Variants in KSR2 observed in about 807,000 individuals in gnomAD.
KSR2 encodes the protein kinase suppressor of ras 2.
KSR2 carries 25 observed loss-of-function variants against 107.8 expected under a neutral mutation model. The observed-to-expected ratio is 0.23, with a 90% CI of 0.17 to 0.32. The LOEUF (loss-of-function observed/expected upper bound fraction) is 0.32, where lower values mean the gene tolerates loss of function less well. Ranked by LOEUF, KSR2 falls within the 10% of genes least tolerant of loss-of-function variation. KSR2 has a pLI of 1.00. For missense variants in KSR2, 887 were observed against 1,268.9 expected (o/e 0.70, Z 4.57); for synonymous variants, 480 against 507.0 (o/e 0.95, Z 0.71).
At chr12:117,642,191 C>T (rs1409189838) in intron 5 of KSR2, among the ~76,000 whole-genome samples, 1 of 152,232 alleles carries the variant, frequency 6.6e-6, no homozygotes, top group Non-Finnish European at 1.5e-5. Context: ...CACTTTGCAG[C>T]TCTTAACATT....
chr12:117,667,928 C>G (rs1884736856), intron 4 of KSR2, among the ~76,000 whole-genome samples: 1 of 152,188 alleles, frequency 6.6e-6, no homozygotes, highest in Non-Finnish European at 1.5e-5. Context: ...TAGAGAAGCT[C>G]TAGAGAGCCA....
At chr12:117,837,483 C>CA (rs1474796557) in intron 3 of KSR2, among the ~76,000 whole-genome samples, 1 of 152,132 alleles carries the variant, frequency 6.6e-6, no homozygotes, top group Non-Finnish European at 1.5e-5. Flanking sequence ...TCCAAGAAAA[C>CA]ACTGGGAGGA....
intron 5 of KSR2, among the ~76,000 whole-genome samples, chr12:117,596,781 T>C (rs544523488): frequency 2.6e-5 from 4 of 152,320 alleles, no homozygotes; most frequent in African/African-American, 9.6e-5. Flanking sequence ...TAAAATCTCC[T>C]AGTAGGCATG....
In KSR2 at chr12:117,506,843, A is replaced by ATG. The variant is rs574197582; in HGVS notation, c.2219+18007_2219+18008dup. ...GATAGATAGATTTATTTATATATGT[A>ATG]TGTGTGTGTGTGTGTATATATATGT... On this transcript the variant is annotated intron_variant, in intron 14 of 19. Coordinates refer to ENST00000339824, the MANE Select transcript of KSR2 (RefSeq NM_173598.6). Among the ~76,000 whole-genome samples the ATG allele has an allele frequency of 4.4e-3, 673 of 151,576 alleles. 14 individuals are homozygous for ATG. In the East Asian group the frequency reaches 0.074, roughly 17 times the overall value.
intron 5 of KSR2, among the ~76,000 whole-genome samples, chr12:117,642,144 C>T (rs1234080670): frequency 6.6e-6 from 1 of 152,218 alleles, no homozygotes; most frequent in Non-Finnish European, 1.5e-5. Context: ...ACCATTGCTG[C>T]TCCCCTGTTG....
intron 3 of KSR2, among the ~76,000 whole-genome samples, chr12:117,805,849 G>A (rs980193998): frequency 3.3e-5 from 5 of 152,292 alleles, no homozygotes; most frequent in South Asian, 2.1e-4. Flanking sequence ...AGGTGTGGGG[G>A]TGTGTGCCTG....
At chr12:117,716,932 G>T (rs950514004) in intron 4 of KSR2, among the ~76,000 whole-genome samples, 1 of 152,114 alleles carries the variant, frequency 6.6e-6, no homozygotes, top group Non-Finnish European at 1.5e-5. Flanking sequence ...TTCCTCCCAC[G>T]CTGGCTCCTG....
At position 117,880,735 on chromosome 12, in the gene KSR2, T is replaced by C. The variant is rs975556527; in HGVS notation, c.181-20304A>G. ...ATTCTTTTTTTTTTTTTTTTTTTTT[T>C]CTGAGACGTGAAACCTCCGCCTCCC... On this transcript the variant is annotated intron_variant, in intron 1 of 19. Coordinates refer to ENST00000339824, the MANE Select transcript of KSR2 (RefSeq NM_173598.6). Among the ~76,000 whole-genome samples, 64 of 116,526 alleles carry C rather than the reference T, an allele frequency of 5.5e-4. 2 individuals carry two copies. In the East Asian group the frequency reaches 0.017, roughly 32 times the overall value. The allele number at this position is 116,526 out of a possible 152,430, so 76.4% of individuals were successfully genotyped here.
At chr12:117,860,453 C>A in intron 1 of KSR2, 22 bp from the exon 2 acceptor site, 1 of 1,586,068 alleles carries the variant, frequency 6.3e-7, no homozygotes, top group Non-Finnish European at 8.6e-7. Flanking sequence ...CAGACGAGGA[C>A]AGAGGACACA....
chr12:117,589,410 G>C (rs1304642706), intron 5 of KSR2, among the ~76,000 whole-genome samples: 1 of 152,080 alleles, frequency 6.6e-6, no homozygotes, highest in African/African-American at 2.4e-5. Context: ...TCCCTTTTAG[G>C]TGCTAAAGCT....
intron 5 of KSR2, among the ~76,000 whole-genome samples, chr12:117,641,765 T>G (rs139861569): frequency 1.3e-4 from 20 of 152,118 alleles, no homozygotes; most frequent in Non-Finnish European, 2.8e-4. Flanking sequence ...GTAGCAGAAG[T>G]TGCCCTTGAA....
At chr12:117,882,749 C>T (rs1315583206) in intron 1 of KSR2, among the ~76,000 whole-genome samples, 2 of 151,904 alleles carry the variant, frequency 1.3e-5, no homozygotes, top group Non-Finnish European at 2.9e-5. Flanking sequence ...ACCCATCCAT[C>T]CATCCATCCA....
At chr12:117,776,320 C>A (rs1488295836) in intron 3 of KSR2, among the ~76,000 whole-genome samples, 1 of 152,124 alleles carries the variant, frequency 6.6e-6, no homozygotes, top group Non-Finnish European at 1.5e-5. Flanking sequence ...AACTAAAACA[C>A]AAAGCCCTTC....
chr12:117,646,009 A>T (rs1222536434), intron 5 of KSR2, among the ~76,000 whole-genome samples: 1 of 152,118 alleles, frequency 6.6e-6, no homozygotes, highest in Non-Finnish European at 1.5e-5. Context: ...AAAATGGCAT[A>T]GTCTTCATAT....
At chr12:117,694,845 CTT>C (rs34228762) in intron 4 of KSR2, among the ~76,000 whole-genome samples, 1 of 99,092 alleles carries the variant, frequency 1.0e-5, no homozygotes, top group African/African-American at 3.8e-5. Context: ...TTGTATGATT[CTT>C]TTTTTTTTTT....
At chr12:117,711,979 G>A (rs940907945) in intron 4 of KSR2, among the ~76,000 whole-genome samples, 2 of 152,182 alleles carry the variant, frequency 1.3e-5, no homozygotes, top group African/African-American at 4.8e-5. Context: ...TGGCCTCAGG[G>A]CAAGGCTCCA....
At chr12:117,629,271 G>A (rs1169808752) in intron 5 of KSR2, among the ~76,000 whole-genome samples, 2 of 152,224 alleles carry the variant, frequency 1.3e-5, no homozygotes, top group Admixed American at 1.3e-4. Context: ...AGAAATCACC[G>A]TCTTCTGCGT....
At chr12:117,788,728 G>A (rs1890161860) in intron 3 of KSR2, among the ~76,000 whole-genome samples, 2 of 152,144 alleles carry the variant, frequency 1.3e-5, no homozygotes, top group African/African-American at 4.8e-5. Context: ...GGCCAGGCTG[G>A]TCTCAAAATC....
chr12:117,913,473 T>G (rs1895085440), intron 1 of KSR2, among the ~76,000 whole-genome samples: 1 of 152,018 alleles, frequency 6.6e-6, no homozygotes, highest in South Asian at 2.1e-4. Context: ...ATTTGAAAAA[T>G]AGGGTCTTCT....
Sources: allele counts gnomAD v4.1 joint callset (sites outside exome capture counted in the v4.1 genomes callset), GRCh38; gene constraint gnomAD v4.1.1; transcripts MANE v1.5; gene names NCBI Gene and HGNC (gene_info 2026-07-23, HGNC 2026-07-21).